QTRT2: variants seen among roughly 807,000 people sequenced by gnomAD.
The protein encoded by QTRT2 is queuine tRNA-ribosyltransferase accessory subunit 2.
QTRT2 carries 32 observed loss-of-function variants against 44.8 expected under a neutral mutation model. The observed-to-expected ratio is 0.71, with a 90% CI of 0.54 to 0.96. QTRT2 has a LOEUF of 0.96. Ranked by LOEUF, QTRT2 falls within the 40% of genes least tolerant of loss-of-function variation. QTRT2 has a pLI of 0.00. For synonymous variants in QTRT2, 182 were observed against 187.4 expected (o/e 0.97, Z 0.24); for missense variants, 461 against 503.1 (o/e 0.92, Z 0.80).
intron 9 of QTRT2, among the ~76,000 whole-genome samples, chr3:114,084,584 T>TC (rs1048684105): frequency 5.3e-5 from 8 of 152,090 alleles, no homozygotes; most frequent in African/African-American, 1.9e-4. Flanking sequence ...AAGACCCTGT[T>TC]CCCCCCTCAA....
intron 9 of QTRT2, among the ~76,000 whole-genome samples, chr3:114,084,126 G>A (rs900586686): frequency 1.7e-4 from 26 of 150,468 alleles, no homozygotes; most frequent in African/African-American, 5.4e-4. Flanking sequence ...GCAGTGGCAC[G>A]ATCTTGGCTC....
At chr3:114,079,700 C>CG (rs1375365357) in intron 7 of QTRT2, 1 of 441,868 alleles carries the variant, frequency 2.3e-6, no homozygotes, top group Non-Finnish European at 4.1e-6. Context: ...ACATAAATGA[C>CG]AGAGCTAGGA....
intron 9 of QTRT2, 34 bp from the exon 10 acceptor site, chr3:114,085,639 A>T: frequency 6.4e-7 from 1 of 1,561,544 alleles, no homozygotes; most frequent in Non-Finnish European, 8.8e-7. Context: ...TGTATTCCGT[A>T]CTTTCTGGAA....
chr3:114,059,403 A>C (rs900955599), intron 2 of QTRT2, among the ~76,000 whole-genome samples: 1 of 152,228 alleles, frequency 6.6e-6, no homozygotes, highest in African/African-American at 2.4e-5. Flanking sequence ...TCCTTGGCAA[A>C]AAAGGAAATA....
intron 2 of QTRT2, among the ~76,000 whole-genome samples, chr3:114,060,650 GTTTAA>G: frequency 6.6e-6 from 1 of 152,220 alleles, no homozygotes; most frequent in Non-Finnish European, 1.5e-5. Flanking sequence ...CTATAATAAA[GTTTAA>G]TTTATTAATT....
intron 6 of QTRT2, among the ~76,000 whole-genome samples, chr3:114,071,657 C>G (rs935302424): frequency 6.6e-6 from 1 of 152,084 alleles, no homozygotes; most frequent in African/African-American, 2.4e-5. Flanking sequence ...TCCCACTGTT[C>G]ACTCTTCCTT....
chr3:114,069,448 A>G (rs1157381711), intron 5 of QTRT2, among the ~76,000 whole-genome samples: 1 of 151,962 alleles, frequency 6.6e-6, no homozygotes, highest in African/African-American at 2.4e-5. Context: ...CTTTGTGTCC[A>G]TGTGTTCTCA....
Position 114,086,043 on chromosome 3 carries a change from A to T in QTRT2, c.*139A>T. The T allele has an allele frequency of 1.4e-6, 1 of 701,506 alleles. No homozygotes were observed. The highest frequency in any genetic ancestry group is 2.4e-6 in the Non-Finnish European group (1 of 419,142). 43.5% of individuals were successfully genotyped at this position (701,506 alleles called of 1,614,324 possible). A position where few individuals can be genotyped will look rare whatever the true frequency, so the allele number is the denominator to read the frequency against. ...GTCTGCTTAAATAAAGAATCTTTGT[A>T]CCAAACTGCCCACATGAGGGTGAAG... On this transcript the variant is annotated 3_prime_UTR_variant, in exon 10 of 10. Coordinates refer to ENST00000281273, the MANE Select transcript of QTRT2 (RefSeq NM_024638.4).
In QTRT2 at chr3:114,070,851, C is replaced by A; in HGVS notation, c.546+13C>A. The A allele has an allele frequency of 6.2e-7, 1 of 1,606,444 alleles. No homozygotes were observed. Among genetic ancestry groups the A allele is most frequent in the African/African-American group, 1.3e-5 (1 of 74,902 alleles). ...GGAAGAGTCAGAGGTAAGGCTGTGC[C>A]ACTAACCACTCCTTTCTCTTGACAC... On this transcript the variant is annotated intron_variant, in intron 6 of 9. Coordinates refer to ENST00000281273, the MANE Select transcript of QTRT2 (RefSeq NM_024638.4).
chr3:114,067,902 A>G, intron 4 of QTRT2, 85 bp from the exon 5 acceptor site: 1 of 1,141,012 alleles, frequency 8.8e-7, no homozygotes, highest in Non-Finnish European at 1.3e-6. Context: ...ATTCAGCAGT[A>G]CACATTGCGA....
intron 5 of QTRT2, among the ~76,000 whole-genome samples, chr3:114,070,307 A>G (rs1250879427): frequency 6.6e-6 from 1 of 152,220 alleles, no homozygotes; most frequent in Non-Finnish European, 1.5e-5. Flanking sequence ...GTCAGTCAAA[A>G]GGAACAGTGT....
chr3:114,075,455 T>C (rs1227134315), intron 6 of QTRT2, among the ~76,000 whole-genome samples: 1 of 152,066 alleles, frequency 6.6e-6, no homozygotes, highest in Non-Finnish European at 1.5e-5. Context: ...AAAGAGTAAG[T>C]TCTCCTTTGC....
At chr3:114,062,368 C>CAAAAAAA (rs143192501) in intron 2 of QTRT2, among the ~76,000 whole-genome samples, 42 of 86,006 alleles carry the variant, frequency 4.9e-4, no homozygotes, top group Non-Finnish European at 7.2e-4. Flanking sequence ...GACCTTGTCT[C>CAAAAAAA]AAAAAAAAAA....
intron 5 of QTRT2, among the ~76,000 whole-genome samples, chr3:114,069,331 T>C (rs1055373158): frequency 6.6e-6 from 1 of 152,110 alleles, no homozygotes; most frequent in Non-Finnish European, 1.5e-5. Context: ...GTACAGATTA[T>C]TTCATCACTG....
At chr3:114,085,503 G>A (rs1404402357) in intron 9 of QTRT2, among the ~76,000 whole-genome samples, 170 bp from the exon 10 acceptor site, 1 of 152,192 alleles carries the variant, frequency 6.6e-6, no homozygotes, top group Non-Finnish European at 1.5e-5. Context: ...ACCACACCCG[G>A]CCCTTTGTTA....
At chr3:114,066,859 A>C (rs1051245289) in intron 4 of QTRT2, among the ~76,000 whole-genome samples, 1 of 152,298 alleles carries the variant, frequency 6.6e-6, no homozygotes, top group Non-Finnish European at 1.5e-5. Context: ...TTGAACCTCA[A>C]ACATGCAGGG....
intron 2 of QTRT2, among the ~76,000 whole-genome samples, chr3:114,059,072 A>G (rs2076848837): frequency 6.6e-6 from 1 of 152,240 alleles, no homozygotes; most frequent in Admixed American, 6.5e-5. Flanking sequence ...GAATCCAGCT[A>G]GGAAACATTT....
chr3:114,072,021 A>G (rs961191268), intron 6 of QTRT2, among the ~76,000 whole-genome samples: 2 of 152,168 alleles, frequency 1.3e-5, no homozygotes, highest in African/African-American at 4.8e-5. Context: ...TCCTTGAGGC[A>G]TTAGCTTGTT....
chr3:114,073,571 G>A (rs2077051133), intron 6 of QTRT2, among the ~76,000 whole-genome samples: 1 of 151,988 alleles, frequency 6.6e-6, no homozygotes, highest in South Asian at 2.1e-4. Context: ...GGTAGAGATG[G>A]GGTTTCACTG....
Sources: gnomAD v4.1 joint callset for allele counts (sites outside exome capture counted in the v4.1 genomes callset) on GRCh38, gnomAD v4.1.1 for gene constraint, MANE v1.5 for transcripts, NCBI Gene and HGNC (gene_info 2026-07-23, HGNC 2026-07-21) for gene names.